The following SHANK2 variants were observed in gnomAD, a reference collection of about 807,000 sequenced individuals.
SHANK2 encodes SH3 and multiple ankyrin repeat domains 2, also known as SH3 and multiple ankyrin repeat domains protein 2.
SHANK2 carries 43 observed loss-of-function variants against 133.7 expected under a neutral mutation model. That is an observed-to-expected ratio of 0.32 (90% CI 0.25 to 0.41). The LOEUF (loss-of-function observed/expected upper bound fraction) is 0.41, where lower values mean the gene tolerates loss of function less well. Ranked by LOEUF, SHANK2 falls within the 10% of genes least tolerant of loss-of-function variation. The pLI, the probability that SHANK2 is intolerant of heterozygous loss-of-function variation, is 1.00. For synonymous variants in SHANK2, 1,017 were observed against 952.8 expected, an observed-to-expected ratio of 1.07 and a Z score of -1.24; for missense variants, 1,994 against 2,235.8, an observed-to-expected ratio of 0.89 and a Z score of 2.18.
At chr11:70,928,160 A>G (rs1565410890) in intron 10 of SHANK2, among the ~76,000 whole-genome samples, 1 of 152,122 alleles carries the variant, frequency 6.6e-6, no homozygotes, top group Non-Finnish European at 1.5e-5. Context: ...CGACACCACA[A>G]ACTGCATGCC....
chr11:71,203,577 A>T (rs2135643762), intron 2 of SHANK2, among the ~76,000 whole-genome samples: 1 of 152,286 alleles, frequency 6.6e-6, no homozygotes, highest in South Asian at 2.1e-4. Context: ...TCCAGGCAAC[A>T]GACCAAGACT....
intron 15 of SHANK2, among the ~76,000 whole-genome samples, chr11:70,675,793 G>A (rs1555017076): frequency 6.6e-6 from 1 of 152,180 alleles, no homozygotes; most frequent in Non-Finnish European, 1.5e-5. Context: ...GCTGGGTAAT[G>A]CCAGGGAGGA....
intron 14 of SHANK2, among the ~76,000 whole-genome samples, chr11:70,747,396 T>C (rs566182): frequency 0.59 from 90,229 of 151,970 alleles, 28,056 homozygotes; most frequent in African/African-American, 0.8. Flanking sequence ...TGGAAAAGTC[T>C]TTTCATGGCC....
At chr11:70,617,718 A>C (rs1683593531) in intron 17 of SHANK2, among the ~76,000 whole-genome samples, 2 of 152,154 alleles carry the variant, frequency 1.3e-5, no homozygotes, top group African/African-American at 4.8e-5. Context: ...ATATGACCAA[A>C]ACTCTGAAAA....
chr11:70,846,058 C>G (rs569730886), intron 11 of SHANK2, among the ~76,000 whole-genome samples: 12 of 152,214 alleles, frequency 7.9e-5, no homozygotes, highest in African/African-American at 2.9e-4. Context: ...GAACTGGGTC[C>G]CTGGGAAAGC....
intron 15 of SHANK2, among the ~76,000 whole-genome samples, chr11:70,691,355 C>T (rs367773761): frequency 6.6e-6 from 1 of 152,040 alleles, no homozygotes; most frequent in African/African-American, 2.4e-5. Flanking sequence ...ACACTCAGGT[C>T]CCCCGTTTAG....
intron 17 of SHANK2, among the ~76,000 whole-genome samples, chr11:70,564,859 T>C (rs2059949102): frequency 6.6e-6 from 1 of 152,216 alleles, no homozygotes; most frequent in Admixed American, 6.5e-5. Context: ...AACTGCTTTA[T>C]GCTAAAATAT....
At position 70,537,867 on chromosome 11, in the gene SHANK2, G is replaced by A. The variant is rs548336030; in HGVS notation, c.2062-34936C>T. On this transcript the variant is annotated intron_variant, in intron 17 of 25. Coordinates refer to ENST00000601538, the MANE Select transcript of SHANK2 (RefSeq NM_012309.5). Reference sequence around the variant, plus strand: ...GACGTCAACCCTGCAGCAGGTCACAGAGGCCCGTGGGGGGTCTTCCAGGAG... The same window carrying A: ...GACGTCAACCCTGCAGCAGGTCACAAAGGCCCGTGGGGGGTCTTCCAGGAG... Among the ~76,000 whole-genome samples the A allele has an allele frequency of 8.2e-4, 125 of 152,326 alleles. 1 individual carries two copies. The Middle Eastern group carries it at 0.02, about 25-fold the overall frequency.
In SHANK2 at chr11:70,486,197, C is replaced by T. The variant is rs782580045; in HGVS notation, c.4096G>A (p.Glu1366Lys). 61 of 1,613,260 alleles carry T rather than the reference C, an allele frequency of 3.8e-5. No individual in the cohort carries two copies. Among genetic ancestry groups the T allele is most frequent in the East Asian group, 1.6e-4 (7 of 44,872 alleles). ...GTTCTGCCGGGCACGGTGGTGGGCT[C>T]GGGGGCAGCGGAGATCTGTAAAGCA... ...EGALQISAAP[E>K]PTTVPGRTIV... The change falls in exon 25 of 26, where the codon GAG becomes AAG. Residue 1366 changes from glutamate to lysine, a missense_variant. Transcript: ENST00000601538. The surrounding 1 kb of genome is among the most constrained non-coding windows in gnomAD (Gnocchi z 8.0).
At chr11:70,730,284 T>C (rs1477043588) in intron 14 of SHANK2, among the ~76,000 whole-genome samples, 1 of 152,166 alleles carries the variant, frequency 6.6e-6, no homozygotes, top group Non-Finnish European at 1.5e-5. Context: ...TGTGAGTTCC[T>C]GGCCTGTCAG....
chr11:70,940,186 A>ACTTC (rs1332893198), intron 10 of SHANK2, among the ~76,000 whole-genome samples: 2 of 16,758 alleles, frequency 1.2e-4, no homozygotes, highest in Admixed American at 6.5e-4. Flanking sequence ...TTCCTTCCTT[A>ACTTC]CTTCCTTCCT....
chr11:70,897,556 TTACAACAAATTA>T (rs1384943057), intron 10 of SHANK2, among the ~76,000 whole-genome samples: 1 of 152,214 alleles, frequency 6.6e-6, no homozygotes, highest in Non-Finnish European at 1.5e-5. Context: ...AGCCAATTCT[TTACAACAAATTA>T]TAAACAAATG....
intron 17 of SHANK2, among the ~76,000 whole-genome samples, chr11:70,516,158 CCCAAAATAG>C (rs1396377854): frequency 1.3e-5 from 2 of 152,078 alleles, no homozygotes; most frequent in African/African-American, 4.8e-5. Context: ...AGCTAAGAGG[CCCAAAATAG>C]CCAACACAAT....
chr11:70,683,671 G>A (rs1422873295), intron 15 of SHANK2, among the ~76,000 whole-genome samples: 1 of 152,176 alleles, frequency 6.6e-6, no homozygotes, highest in Non-Finnish European at 1.5e-5. Flanking sequence ...AACCCTCCTT[G>A]CTTCTTGCCG....
chr11:71,094,419 G>A, intron 7 of SHANK2, 118 bp downstream of exon 7: 1 of 993,188 alleles, frequency 1.0e-6, no homozygotes, highest in East Asian at 2.7e-5. Flanking sequence ...CGGACTCCTA[G>A]GGTGGGCCGG....
chr11:70,502,995 A>C, intron 17 of SHANK2, 64 bp from the exon 18 acceptor site: 2 of 1,585,178 alleles, frequency 1.3e-6, no homozygotes. Flanking sequence ...GTTGGCACCC[A>C]CCCAAGGCAG....
At chr11:70,600,879 T>C (rs1332451074) in intron 17 of SHANK2, among the ~76,000 whole-genome samples, 3 of 152,140 alleles carry the variant, frequency 2.0e-5, no homozygotes, top group Non-Finnish European at 4.4e-5. Flanking sequence ...TTACAAACTC[T>C]TGGGAGAAGA....
chr11:70,495,264 G>A (rs2058952682), intron 21 of SHANK2, among the ~76,000 whole-genome samples: 1 of 152,206 alleles, frequency 6.6e-6, no homozygotes, highest in Admixed American at 6.5e-5. Context: ...CCAGCAATTT[G>A]CTTCCTCCAA....
At chr11:70,706,872 C>T (rs1411137302) in intron 14 of SHANK2, among the ~76,000 whole-genome samples, 1 of 152,108 alleles carries the variant, frequency 6.6e-6, no homozygotes, top group Admixed American at 6.5e-5. Context: ...TTAAGCAGGG[C>T]TGCTGGAAAG....
Sources: allele counts gnomAD v4.1 joint callset (sites outside exome capture counted in the v4.1 genomes callset), GRCh38; gene constraint gnomAD v4.1.1; non-coding constraint Gnocchi (gnomAD v3.1); transcripts MANE v1.5; gene names NCBI Gene and HGNC (gene_info 2026-07-23, HGNC 2026-07-21).